STPG2: variants seen among roughly 807,000 people sequenced by gnomAD.
STPG2 encodes the protein sperm tail PG-rich repeat containing 2, also known as sperm-tail PG-rich repeat-containing protein 2.
A neutral mutation model predicts 54.2 loss-of-function variants in STPG2; 56 were observed. That is an observed-to-expected ratio of 1.03 (90% CI 0.83 to 1.29). The LOEUF is 1.29. Among genes scored for constraint, STPG2 ranks in the 50% most tolerant of loss-of-function variants. The probability of loss-of-function intolerance (pLI) is 0.00; values close to 1 mark genes in which losing one functional copy is unlikely to be tolerated. For missense variants in STPG2, 596 were observed against 544.9 expected, an observed-to-expected ratio of 1.09 and a Z score of -0.93; for synonymous variants, 200 against 181.8, an observed-to-expected ratio of 1.10 and a Z score of -0.81.
At chr4:97,484,643 T>C (rs1360511071) in intron 4 of STPG2, among the ~76,000 whole-genome samples, 1 of 151,702 alleles carries the variant, frequency 6.6e-6, no homozygotes, top group East Asian at 1.9e-4. Context: ...CAAAGAAGAA[T>C]TGGTACCAAT....
chr4:97,808,681 A>C (rs1365164366), intron 9 of STPG2, among the ~76,000 whole-genome samples: 2 of 122,994 alleles, frequency 1.6e-5, no homozygotes, highest in Non-Finnish European at 3.4e-5. Flanking sequence ...TAAATTAGAT[A>C]TAAAAAGACA....
At chr4:97,901,999 C>T (rs1005311830) in intron 8 of STPG2, among the ~76,000 whole-genome samples, 13 of 151,900 alleles carry the variant, frequency 8.6e-5, no homozygotes, top group Middle Eastern at 3.4e-3. Flanking sequence ...GGAAATAAAC[C>T]CACACATATA....
At position 97,666,934 on chromosome 4, in the gene STPG2, T is replaced by A. The variant is rs1473254157; in HGVS notation, c.1320+45765A>T. 2.0e-5 allele frequency among the ~76,000 whole-genome samples: 3 copies of A among 152,040 alleles called. No homozygotes were observed. In the East Asian group the frequency reaches 5.8e-4, roughly 29 times the overall value. ...CTCCAACCACCTTTATAGTTACCACTACCACCACCATTATCACCATCACTG... is the reference window on the plus strand; with the variant it reads ...CTCCAACCACCTTTATAGTTACCACAACCACCACCATTATCACCATCACTG... On this transcript the variant is annotated intron_variant, in intron 10 of 10. Transcript: ENST00000295268.
chr4:97,706,517 T>C (rs1204779379), intron 10 of STPG2, among the ~76,000 whole-genome samples: 1 of 152,170 alleles, frequency 6.6e-6, no homozygotes, highest in African/African-American at 2.4e-5. Flanking sequence ...TCTAGGATTT[T>C]CCAGTGTTCA....
intron 4 of STPG2, among the ~76,000 whole-genome samples, chr4:97,550,028 C>T (rs1731929427): frequency 6.6e-6 from 1 of 151,968 alleles, no homozygotes; most frequent in South Asian, 2.1e-4. Flanking sequence ...TATCTTGTCA[C>T]ATTTAATATC....
intron 8 of STPG2, among the ~76,000 whole-genome samples, chr4:97,930,936 T>C (rs1292427459): frequency 6.6e-6 from 1 of 152,226 alleles, no homozygotes; most frequent in Non-Finnish European, 1.5e-5. Flanking sequence ...TATTTTATTC[T>C]TTTTGTGGCC....
intron 10 of STPG2, among the ~76,000 whole-genome samples, chr4:97,698,727 AC>A (rs1723667633): frequency 6.6e-6 from 1 of 152,128 alleles, no homozygotes; most frequent in South Asian, 2.1e-4. Flanking sequence ...CTTCTGGAAT[AC>A]TTTGCCAGAG....
At chr4:97,903,634 C>T (rs533776673) in intron 8 of STPG2, among the ~76,000 whole-genome samples, 2 of 152,258 alleles carry the variant, frequency 1.3e-5, no homozygotes, top group East Asian at 3.9e-4. Flanking sequence ...AGCAACAGCT[C>T]CCAGCGTGAG....
At chr4:97,732,781 T>C (rs976406586) in intron 9 of STPG2, among the ~76,000 whole-genome samples, 2 of 151,374 alleles carry the variant, frequency 1.3e-5, no homozygotes, top group Non-Finnish European at 2.9e-5. Flanking sequence ...GTGAAGGACA[T>C]GAATAGACAT....
intron 9 of STPG2, among the ~76,000 whole-genome samples, chr4:97,778,790 C>T (rs1726482300): frequency 6.6e-6 from 1 of 152,182 alleles, no homozygotes; most frequent in African/African-American, 2.4e-5. Context: ...CGCTGTTCTG[C>T]AGCCTCTGCT....
intron 4 of STPG2, among the ~76,000 whole-genome samples, chr4:97,533,462 A>G (rs2148854951): frequency 6.6e-6 from 1 of 152,202 alleles, no homozygotes; most frequent in Admixed American, 6.5e-5. Context: ...AATAAAATAC[A>G]TTTAAAATAT....
intron 5 of STPG2, among the ~76,000 whole-genome samples, chr4:98,073,219 T>C (rs141277138): frequency 6.6e-6 from 1 of 152,248 alleles, no homozygotes; most frequent in East Asian, 1.9e-4. Context: ...AAAACACATA[T>C]TTAAAAATTA....
At chr4:97,636,100 T>G (rs937433480) in intron 10 of STPG2, among the ~76,000 whole-genome samples, 1 of 151,546 alleles carries the variant, frequency 6.6e-6, no homozygotes, top group Non-Finnish European at 1.5e-5. Context: ...AGTAAAGCTC[T>G]CCTCAGCAAA....
At chr4:97,512,964 T>C (rs1467831385) in intron 4 of STPG2, among the ~76,000 whole-genome samples, 1 of 151,978 alleles carries the variant, frequency 6.6e-6, no homozygotes, top group African/African-American at 2.4e-5. Flanking sequence ...CATGTCAGAT[T>C]CCACAGGTTA....
chr4:97,886,282 G>T (rs769953280), intron 8 of STPG2, among the ~76,000 whole-genome samples: 1 of 152,036 alleles, frequency 6.6e-6, no homozygotes, highest in African/African-American at 2.4e-5. Flanking sequence ...AATTAAAAGG[G>T]AAAAAATAAA....
intron 4 of STPG2, among the ~76,000 whole-genome samples, chr4:97,547,242 G>A (rs1056221005): frequency 2.8e-4 from 42 of 149,218 alleles, no homozygotes; most frequent in African/African-American, 7.7e-4. Context: ...ACAGAGTCTC[G>A]CTCTGTCGCC....
chr4:97,906,286 G>A (rs747599016), intron 8 of STPG2, among the ~76,000 whole-genome samples: 19 of 152,112 alleles, frequency 1.2e-4, no homozygotes, highest in African/African-American at 3.9e-4. Context: ...TAAATTCCTC[G>A]AAACATACAC....
chr4:97,871,204 AAAT>A (rs1335493995), intron 8 of STPG2, among the ~76,000 whole-genome samples: 1 of 151,092 alleles, frequency 6.6e-6, no homozygotes, highest in Non-Finnish European at 1.5e-5. Flanking sequence ...GAAATAATAA[AAAT>A]AAATTAAATT....
intron 9 of STPG2, among the ~76,000 whole-genome samples, chr4:97,771,359 C>T (rs544968450): frequency 3.9e-5 from 6 of 152,178 alleles, no homozygotes; most frequent in South Asian, 4.1e-4. Context: ...GAGTACCTAA[C>T]GAAGGACAAA....
Sources: gnomAD v4.1 joint callset for allele counts (sites outside exome capture counted in the v4.1 genomes callset) on GRCh38, gnomAD v4.1.1 for gene constraint, MANE v1.5 for transcripts, NCBI Gene and HGNC (gene_info 2026-07-23, HGNC 2026-07-21) for gene names.